CKAP2: variants seen among roughly 807,000 people sequenced by gnomAD.
CKAP2 encodes the protein cytoskeleton-associated protein 2.
In CKAP2, 46 loss-of-function variants were observed where a neutral mutation model predicts 58.4. The ratio of observed to expected loss-of-function variants is 0.79; its 90% confidence interval spans 0.62 to 1.01. The LOEUF is 1.01. Among genes scored for constraint, CKAP2 ranks in the 50% least tolerant of loss-of-function variants. CKAP2 has a pLI of 0.00. For synonymous variants in CKAP2, 293 were observed against 280.9 expected (o/e 1.04, Z -0.43); for missense variants, 809 against 796.4 (o/e 1.02, Z -0.19).
rs1207761206 is a variant in CKAP2 at position 52,461,073 on chromosome 13, A to G, written c.247A>G (p.Met83Val). The G allele has an allele frequency of 5.6e-6, 9 of 1,598,810 alleles. No homozygotes were observed. Among genetic ancestry groups the G allele is most frequent in the Middle Eastern group, 1.7e-4 (1 of 5,960 alleles). The change falls in exon 4 of 9, where the codon ATG becomes GTG. Residue 83 changes from methionine to valine, a missense_variant. Physicochemically the swap from Met to Val is conservative, Grantham distance 21 (BLOSUM62 1). Around this residue, in one of 3 missense-constraint regions of CKAP2, gnomAD observed 523 missense variants for 492.4 expected, o/e 1.06. Transcript: ENST00000258607. ...ATTCTTTCAGGCTGATAAAGAAAAC[A>G]TGAAGAGACCTGCAGAGAGCAAAAA... ...LKTKMADKEN[M>V]KRPAESKNNT...
In CKAP2 at chr13:52,461,073, A is replaced by C; in HGVS notation, c.247A>C (p.Met83Leu). 1 of 1,598,810 alleles carries C rather than the reference A, an allele frequency of 6.3e-7. No homozygotes were observed. ...LKTKMADKEN[M>L]KRPAESKNNT... ...ATTCTTTCAGGCTGATAAAGAAAAC[A>C]TGAAGAGACCTGCAGAGAGCAAAAA... Residue 83 changes from methionine to leucine, a missense_variant, in exon 4 of 9, where the codon ATG (methionine) becomes CTG (leucine). By Grantham distance (15) the Met-to-Leu change is conservative. Transcript: ENST00000258607.
rs1310933284 is a variant in CKAP2 at position 52,475,625 on chromosome 13, C to G, written c.*484C>G. On this transcript the variant is annotated 3_prime_UTR_variant, in exon 9 of 9. Transcript: ENST00000258607. Reference sequence around the variant, plus strand: ...AAAAATTCTATAGAATGACTCACTTCGAATACTAAGACACAGGAGGTTTAG... The same window carrying G: ...AAAAATTCTATAGAATGACTCACTTGGAATACTAAGACACAGGAGGTTTAG... 1 of 152,770 alleles carries G rather than the reference C, an allele frequency of 6.5e-6. No homozygotes were observed. The highest frequency in any genetic ancestry group is 1.5e-5 in the Non-Finnish European group (1 of 68,528). 9.5% of individuals were successfully genotyped at this position (152,770 alleles called of 1,614,324 possible).
At position 52,475,112 on chromosome 13, in the gene CKAP2, C is replaced by T. The variant is rs202031498; in HGVS notation, c.2020C>T (p.Arg674Trp). The stretch of plus-strand genomic sequence containing the variant: ...ATGCCGCCCTAATGCAGCACTGTGC[C>T]GGGTGTACTATGAGGCTGATACAAC... ...FVCRPNAALC[R>W]VYYEADTT The change falls in exon 9 of 9, where the codon CGG becomes TGG. Residue 674 changes from arginine (R) to tryptophan (W), a missense_variant. Transcript: ENST00000258607. 156 of 1,614,060 alleles carry T rather than the reference C, an allele frequency of 9.7e-5. 2 individuals carry two copies. The South Asian group carries it at 1.2e-3, about 12-fold the overall frequency.
At chr13:52,463,954 G>C (rs1958624321) in intron 5 of CKAP2, among the ~76,000 whole-genome samples, 1 of 152,106 alleles carries the variant, frequency 6.6e-6, no homozygotes, top group Non-Finnish European at 1.5e-5. Flanking sequence ...TTGTGATGTT[G>C]ATACTCAAAA....
chr13:52,462,301 T>C, intron 4 of CKAP2, 62 bp from the exon 5 acceptor site: 1 of 1,440,148 alleles, frequency 6.9e-7, no homozygotes, highest in African/African-American at 1.4e-5. Flanking sequence ...TTCTTTTAAC[T>C]TTATTTGACA....
intron 5 of CKAP2, among the ~76,000 whole-genome samples, chr13:52,463,576 A>G (rs1249818919): frequency 6.6e-6 from 1 of 152,232 alleles, no homozygotes; most frequent in African/African-American, 2.4e-5. Context: ...AGACAATAGC[A>G]ACAACAAACA....
chr13:52,470,106 TTTTTC>T (rs1433051372), intron 7 of CKAP2, among the ~76,000 whole-genome samples: 1 of 151,480 alleles, frequency 6.6e-6, no homozygotes, highest in Non-Finnish European at 1.5e-5. Flanking sequence ...CAGTTTGAAC[TTTTTC>T]TTTTTTTTTT....
At chr13:52,465,946 C>CACATATATATACAA in intron 6 of CKAP2, 1 of 293,600 alleles carries the variant, frequency 3.4e-6, no homozygotes, top group Non-Finnish European at 6.6e-6. Context: ...TATATATACA[C>CACATATATATACAA]ATATATATGC....
intron 7 of CKAP2, among the ~76,000 whole-genome samples, chr13:52,470,252 T>C (rs1958743758): frequency 6.6e-6 from 1 of 152,022 alleles, no homozygotes; most frequent in Admixed American, 6.5e-5. Flanking sequence ...ATTACAGGCA[T>C]GCGCCACCTT....
chr13:52,467,970 C>T lies in CKAP2; in HGVS notation c.1477-308C>T, dbSNP rs1165557400. On this transcript the variant is annotated intron_variant, in intron 6 of 8. Coordinates refer to ENST00000258607, the MANE Select transcript of CKAP2 (RefSeq NM_018204.5). ...GACTACAGGCGCCTGCCACCACGCC[C>T]GGCTCATTTTTTTGTGTTTTTAGTA... Among the ~76,000 whole-genome samples the T allele has an allele frequency of 3.9e-5, 6 of 152,114 alleles. No individual in the cohort carries two copies. In the South Asian group the frequency reaches 8.3e-4, roughly 21 times the overall value.
chr13:52,461,063 T>C lies in CKAP2; in HGVS notation c.237T>C (p.Asp79=). The part of the protein sequence containing the change: ...KVLKLKTKMA[D]KENMKRPAES... ...TTCTTAAATAATTCTTTCAGGCTGA[T>C]AAAGAAAACATGAAGAGACCTGCAG... The change falls in exon 4 of 9, where the codon GAT becomes GAC. Residue 79 remains aspartate (D), a synonymous_variant. Coordinates refer to ENST00000258607, the MANE Select transcript of CKAP2 (RefSeq NM_018204.5). 1 of 1,598,532 alleles carries C rather than the reference T, an allele frequency of 6.3e-7. No homozygotes were observed. Among genetic ancestry groups the C allele is most frequent in the Non-Finnish European group, 8.5e-7 (1 of 1,175,118 alleles).
At position 52,462,403 on chromosome 13, in the gene CKAP2, C is replaced by T; in HGVS notation, c.1141C>T (p.Leu381=). 6.2e-7 allele frequency: 1 copy of T among 1,614,062 alleles called. No homozygotes were observed. Among genetic ancestry groups the T allele is most frequent in the South Asian group, 1.1e-5 (1 of 91,074 alleles). ...SEWKAGKGRV[L]KRPPNSVVTQ... is the part of the protein sequence containing the mutation. ...GTGGAAAGCTGGCAAAGGAAGAGTG[C>T]TAAAAAGGCCCCCTAATTCAGTAGT... The change falls in exon 5 of 9, where the codon CTA becomes TTA. Residue 381 remains leucine, a synonymous_variant. Coordinates refer to ENST00000258607, the MANE Select transcript of CKAP2 (RefSeq NM_018204.5).
In CKAP2 at chr13:52,469,006, A is replaced by T. The variant is rs559980666; in HGVS notation, c.1546+659A>T. On this transcript the variant is annotated intron_variant, in intron 7 of 8. Transcript: ENST00000258607. ...ATACTCCCACCAACAATGTAAACGC[A>T]TTCCTTTTTCTCCACAACCCTGCCA... is the stretch of plus-strand genomic sequence containing the variant. 3.9e-5 allele frequency among the ~76,000 whole-genome samples: 6 copies of T among 152,292 alleles called. No homozygotes were observed. The South Asian group carries it at 8.3e-4, about 21-fold the overall frequency.
Position 52,471,626 on chromosome 13 carries a change from T to C in CKAP2, c.1547-2203T>C, listed in dbSNP as rs543275161. Among the ~76,000 whole-genome samples, 3 of 152,326 alleles carry C rather than the reference T, an allele frequency of 2.0e-5. No homozygotes were observed. The South Asian group carries it at 6.2e-4, about 32-fold the overall frequency. On this transcript the variant is annotated intron_variant, in intron 7 of 8. Coordinates refer to ENST00000258607, the MANE Select transcript of CKAP2 (RefSeq NM_018204.5). The stretch of plus-strand genomic sequence containing the variant: ...TTTTCCCCTAAACCTGATTATTCTT[T>C]TAGTTCTCTGTCTTAATGAATGGCC...
At position 52,462,501 on chromosome 13, in the gene CKAP2, T is replaced by A; in HGVS notation, c.1239T>A (p.Asp413Glu). The change falls in exon 5 of 9, where the codon GAT (aspartate) becomes GAA (glutamate). Residue 413 changes from aspartate (D) to glutamate (E), a missense_variant. Physicochemically the swap from Asp to Glu is conservative, Grantham distance 45 (BLOSUM62 2). Around this residue, in one of 3 missense-constraint regions of CKAP2, gnomAD observed 523 missense variants for 492.4 expected, o/e 1.06. Transcript: ENST00000258607. ...TTTGGACTACCATGGCAGAAGAAGA[T>A]GAACAAAGATTATTTACTGAAAAAG... ...GSFWTTMAEEDEQRLFTEKVN... is the reference protein window; with the variant it reads ...GSFWTTMAEEEEQRLFTEKVN... The A allele has an allele frequency of 6.2e-7, 1 of 1,614,086 alleles. No homozygotes were observed. The highest frequency in any genetic ancestry group is 8.5e-7 in the Non-Finnish European group (1 of 1,179,990).
intron 8 of CKAP2, among the ~76,000 whole-genome samples, 188 bp from the exon 9 acceptor site, chr13:52,474,707 T>G (rs1382730573): frequency 1.3e-5 from 2 of 152,210 alleles, no homozygotes; most frequent in South Asian, 4.1e-4. Flanking sequence ...TGTATACAAG[T>G]TGTAATGACA....
intron 6 of CKAP2, among the ~76,000 whole-genome samples, chr13:52,467,100 CA>C (rs34473477): frequency 0.48 from 53,195 of 110,598 alleles, 11,598 homozygotes; most frequent in Middle Eastern, 0.62. Flanking sequence ...CACCCTGTCT[CA>C]AAAAAAAAAA....
chr13:52,469,687 C>T (rs1779687892), intron 7 of CKAP2, among the ~76,000 whole-genome samples: 2 of 149,068 alleles, frequency 1.3e-5, no homozygotes, highest in East Asian at 2.0e-4. Flanking sequence ...AGCTCCGCCT[C>T]CCGGGTTCAC....
chr13:52,463,582 A>G (rs1958617415), intron 5 of CKAP2, among the ~76,000 whole-genome samples: 1 of 152,216 alleles, frequency 6.6e-6, no homozygotes, highest in South Asian at 2.1e-4. Context: ...TAGCAACAAC[A>G]AACAGCAGCA....
Sources: allele counts gnomAD v4.1 joint callset (sites outside exome capture counted in the v4.1 genomes callset), GRCh38; gene constraint gnomAD v4.1.1; regional missense constraint gnomAD v4.1.1; transcripts MANE v1.5; gene names NCBI Gene and HGNC (gene_info 2026-07-23, HGNC 2026-07-21).